ABHD3: variants seen among roughly 807,000 people sequenced by gnomAD.
The protein encoded by ABHD3 is abhydrolase domain containing 3, phospholipase.
In ABHD3, 46 loss-of-function variants were observed where a neutral mutation model predicts 48.8. The ratio of observed to expected loss-of-function variants is 0.94; its 90% CI spans 0.74 to 1.20. The LOEUF (loss-of-function observed/expected upper bound fraction) is 1.20. Ranked by LOEUF, ABHD3 falls within the 50% of genes most tolerant of loss-of-function variation. ABHD3 has a pLI of 0.00. For synonymous variants in ABHD3, 192 were observed against 183.7 expected, an observed-to-expected ratio of 1.04 and a Z score of -0.36; for missense variants, 490 against 497.8, an observed-to-expected ratio of 0.98 and a Z score of 0.15.
chr18:21,671,223 TTAAC>T (rs1430886310), intron 4 of ABHD3, among the ~76,000 whole-genome samples: 6 of 152,248 alleles, frequency 3.9e-5, no homozygotes, highest in Admixed American at 2.0e-4. Flanking sequence ...GGAGACCTGA[TTAAC>T]TAATAAGTTC....
rs746435627 is a variant in ABHD3 at position 21,702,315 on chromosome 18, C to A, written c.509+1G>T. ...AAAAAAAAGAAATCTTTTACTGGTA[C>A]CTGTATCCTAATTCTTCACTAAGAT... On this transcript the variant is annotated splice_donor_variant, in intron 3 of 8. Transcript: ENST00000289119. LOFTEE classifies it high-confidence loss of function. 1.3e-6 allele frequency: 2 copies of A among 1,577,348 alleles called. No individual in the cohort carries two copies. Among genetic ancestry groups the A allele is most frequent in the Non-Finnish European group, 1.7e-6 (2 of 1,158,722 alleles).
At position 21,657,031 on chromosome 18, in the gene ABHD3, AAC is replaced by A. The variant is rs944215813; in HGVS notation, c.892-7_892-6del. ...AAACTCTCTGATGGATTTAGCCTGAAACACAAAAACAAATTATATCTAGTCTT... is the reference window on the plus strand; with the variant it reads ...AAACTCTCTGATGGATTTAGCCTGAAACAAAAACAAATTATATCTAGTCTT... On this transcript the variant is annotated splice_region_variant and splice_polypyrimidine_tract_variant and intron_variant, in intron 7 of 8. Coordinates refer to ENST00000289119, the MANE Select transcript of ABHD3 (RefSeq NM_138340.5). 6.2e-7 allele frequency: 1 copy of A among 1,613,956 alleles called. No individual in the cohort carries two copies. The highest frequency in any genetic ancestry group is 1.3e-5 in the African/African-American group (1 of 74,904).
rs147003845 is a variant in ABHD3 at position 21,679,079 on chromosome 18, G to C, written c.555+4841C>G. On this transcript the variant is annotated intron_variant, in intron 4 of 8. Coordinates refer to ENST00000289119, the MANE Select transcript of ABHD3 (RefSeq NM_138340.5). ...TTCTTGTGAGCTAATTTCTGTTAGAGACAGTTCCTTCCTGTTTGATCTCTG... is the reference window on the plus strand; with the variant it reads ...TTCTTGTGAGCTAATTTCTGTTAGACACAGTTCCTTCCTGTTTGATCTCTG... Among the ~76,000 whole-genome samples the C allele has an allele frequency of 2.5e-3, 382 of 152,308 alleles. 2 individuals are homozygous for C. Among genetic ancestry groups the C allele is most frequent in the African/African-American group, 8.8e-3 (364 of 41,556 alleles).
chr18:21,671,743 T>A (rs1165204153), intron 4 of ABHD3, among the ~76,000 whole-genome samples: 20 of 152,176 alleles, frequency 1.3e-4, no homozygotes, highest in Admixed American at 1.3e-3. Context: ...CAAGCCAAGG[T>A]TGTTTAAATT....
intron 4 of ABHD3, among the ~76,000 whole-genome samples, chr18:21,681,492 A>T (rs771921989): frequency 2.0e-5 from 3 of 152,056 alleles, no homozygotes; most frequent in Non-Finnish European, 4.4e-5. Flanking sequence ...GGTCTGTAGT[A>T]ACTGCTTTCT....
At chr18:21,651,976 T>G (rs2039232705) in intron 8 of ABHD3, among the ~76,000 whole-genome samples, 1 of 152,214 alleles carries the variant, frequency 6.6e-6, no homozygotes. Flanking sequence ...TATATGGTCA[T>G]GTCTGCACAA....
intron 4 of ABHD3, among the ~76,000 whole-genome samples, chr18:21,674,947 GT>G (rs1193462123): frequency 1.3e-5 from 2 of 151,874 alleles, no homozygotes; most frequent in Non-Finnish European, 2.9e-5. Context: ...GAGGGATGGG[GT>G]GGGGGAAGAA....
At position 21,651,167 on chromosome 18, in the gene ABHD3, A is replaced by G. The variant is rs76681915; in HGVS notation, c.*424T>C. On this transcript the variant is annotated 3_prime_UTR_variant, in exon 9 of 9. Coordinates refer to ENST00000289119, the MANE Select transcript of ABHD3 (RefSeq NM_138340.5). ...CAACTATAAATACCCTTAGGAATGT[A>G]CCACCTTATAACTTACATTGAAATA... is the stretch of plus-strand genomic sequence containing the variant. 3.1e-3 allele frequency: 483 copies of G among 154,200 alleles called. 11 individuals carry two copies. The East Asian group carries it at 0.039, about 12-fold the overall frequency. 9.6% of individuals were successfully genotyped at this position (154,200 alleles called of 1,614,324 possible).
chr18:21,668,397 A>G lies in ABHD3; in HGVS notation c.556-4167T>C, dbSNP rs1454011933. Among the ~76,000 whole-genome samples, 3 of 152,072 alleles carry G rather than the reference A, an allele frequency of 2.0e-5. No individual in the cohort carries two copies. The East Asian group carries it at 5.8e-4, about 29-fold the overall frequency. ...TATTTATGAATAGTCCCCAATATAT[A>G]TTCTTATTATATAGGCTTTAACTAT... is the stretch of plus-strand genomic sequence containing the variant. On this transcript the variant is annotated intron_variant, in intron 4 of 8. Coordinates refer to ENST00000289119, the MANE Select transcript of ABHD3 (RefSeq NM_138340.5).
At position 21,704,766 on chromosome 18, in the gene ABHD3, G is replaced by A; in HGVS notation, c.-101C>T. 9.3e-7 allele frequency: 1 copy of A among 1,077,240 alleles called. No homozygotes were observed. The highest frequency in any genetic ancestry group is 2.8e-5 in the South Asian group (1 of 35,972). The allele number at this position is 1,077,240 out of a possible 1,614,324, so 66.7% of individuals were successfully genotyped here. A position where few individuals can be genotyped will look rare whatever the true frequency, so the allele number is the denominator to read the frequency against. ...GGACGCGGCGCCGCTGCCTACTCCC[G>A]ACCACAGTGTCTCCTGCCTGGCGGA... On this transcript the variant is annotated 5_prime_UTR_variant, in exon 1 of 9. Transcript: ENST00000289119.
rs751378102 is a variant in ABHD3 at position 21,659,194 on chromosome 18, G to T, written c.818C>A (p.Thr273Asn). ...NWLLFNYYLT[T>N]CLQSSVNKHR... ...CTTATTAACTGAAGACTGAAGGCAG[G>T]TTGTCAAATAGTAATTAAAAAGTAG... is the stretch of plus-strand genomic sequence containing the variant. The change falls in exon 6 of 9, where the codon ACC (threonine) becomes AAC (asparagine). Residue 273 changes from threonine to asparagine, a missense_variant. Coordinates refer to ENST00000289119, the MANE Select transcript of ABHD3 (RefSeq NM_138340.5). 6.2e-7 allele frequency: 1 copy of T among 1,613,600 alleles called. No homozygotes were observed. The highest frequency in any genetic ancestry group is 8.5e-7 in the Non-Finnish European group (1 of 1,179,860).
At chr18:21,664,449 T>A in intron 4 of ABHD3, 1 of 466,280 alleles carries the variant, frequency 2.1e-6, no homozygotes, top group Non-Finnish European at 3.8e-6. Flanking sequence ...AAAAAGACCA[T>A]GAACATGCAA....
chr18:21,681,330 A>G (rs1437078257), intron 4 of ABHD3, among the ~76,000 whole-genome samples: 1 of 152,184 alleles, frequency 6.6e-6, no homozygotes, highest in East Asian at 1.9e-4. Context: ...ATCTTCCATC[A>G]GCCAGCCAAG....
At chr18:21,663,773 G>T in intron 5 of ABHD3, 3 of 1,535,218 alleles carry the variant, frequency 2.0e-6, no homozygotes, top group Non-Finnish European at 2.6e-6. Flanking sequence ...TACAAGTTCA[G>T]CTTCAGAACG....
intron 4 of ABHD3, among the ~76,000 whole-genome samples, chr18:21,678,747 C>T (rs543539523): frequency 6.6e-6 from 1 of 152,260 alleles, no homozygotes; most frequent in South Asian, 2.1e-4. Context: ...TATTCCAAGG[C>T]TCCTAGAACC....
intron 3 of ABHD3, among the ~76,000 whole-genome samples, chr18:21,689,677 G>A (rs1186599021): frequency 6.7e-6 from 1 of 150,258 alleles, no homozygotes; most frequent in African/African-American, 2.5e-5. Context: ...TGGATACACA[G>A]AGAAAGAGCA....
intron 4 of ABHD3, among the ~76,000 whole-genome samples, chr18:21,681,761 CT>C (rs933150097): frequency 1.3e-5 from 2 of 152,118 alleles, no homozygotes; most frequent in African/African-American, 4.8e-5. Context: ...CATAGATCAC[CT>C]GGGTCTGAAT....
Position 21,656,974 on chromosome 18 carries a change from T to C in ABHD3, c.944A>G (p.Tyr315Cys). Reference protein sequence around the residue: ...DKRFTSVMFGYQTIDDYYTDA... With the variant: ...DKRFTSVMFGCQTIDDYYTDA... Reference sequence around the variant, plus strand: ...AGTATAATAATCATCAATTGTTTGGTATCCAAACATGACTGAAGTGAATCG... The same window carrying C: ...AGTATAATAATCATCAATTGTTTGGCATCCAAACATGACTGAAGTGAATCG... The change falls in exon 8 of 9, where the codon TAC becomes TGC. Residue 315 changes from tyrosine (Y) to cysteine (C), a missense_variant. By Grantham distance (194) the Tyr-to-Cys change is radical (BLOSUM62 -2). Transcript: ENST00000289119. The C allele has an allele frequency of 6.2e-7, 1 of 1,614,012 alleles. No homozygotes were observed. The highest frequency in any genetic ancestry group is 2.2e-5 in the East Asian group (1 of 44,854).
At chr18:21,688,815 G>C (rs1161554299) in intron 3 of ABHD3, among the ~76,000 whole-genome samples, 1 of 152,146 alleles carries the variant, frequency 6.6e-6, no homozygotes, top group Non-Finnish European at 1.5e-5. Flanking sequence ...ATTGTAAAGG[G>C]AGTAATCCAA....
Sources: allele counts gnomAD v4.1 joint callset (sites outside exome capture counted in the v4.1 genomes callset), GRCh38; gene constraint gnomAD v4.1.1; transcripts MANE v1.5; gene names NCBI Gene and HGNC (gene_info 2026-07-23, HGNC 2026-07-21).